PCDHA11: variants seen among roughly 807,000 people sequenced by gnomAD.
PCDHA11 encodes protocadherin alpha 11.
Under a neutral mutation model 70.3 loss-of-function variants are expected in PCDHA11, and 61 were observed. That is an observed-to-expected ratio of 0.87 (90% CI 0.71 to 1.07). The LOEUF (loss-of-function observed/expected upper bound fraction) is 1.07. PCDHA11 is among the 50% of genes least tolerant of loss of function. The pLI is 0.00. For synonymous variants in PCDHA11, 633 were observed against 555.1 expected (o/e 1.14, Z -1.97); for missense variants, 1,324 against 1,237.5 (o/e 1.07, Z -1.05).
Position 140,876,293 on chromosome 5 carries a change from A to G in PCDHA11, c.2391+4799A>G, listed in dbSNP as rs201253884. Reference sequence around the variant, plus strand: ...GCTTCCGATCCAGACGAAGGACTTAATGGAGAAATTTCCTATGGGATCAAA... The same window carrying G: ...GCTTCCGATCCAGACGAAGGACTTAGTGGAGAAATTTCCTATGGGATCAAA... On this transcript the variant is annotated intron_variant, in intron 1 of 3. Transcript: ENST00000398640. The G allele has an allele frequency of 9.9e-6, 16 of 1,613,942 alleles. No homozygotes were observed. The highest frequency in any genetic ancestry group is 2.5e-6 in the Non-Finnish European group (3 of 1,179,906).
At chr5:140,887,679 C>G (rs2061539498) in intron 1 of PCDHA11, among the ~76,000 whole-genome samples, 1 of 152,058 alleles carries the variant, frequency 6.6e-6, no homozygotes, top group East Asian at 1.9e-4. Flanking sequence ...TCATTTTCAT[C>G]AAATTCAGGA....
chr5:140,901,588 T>A (rs1245761513), intron 1 of PCDHA11, among the ~76,000 whole-genome samples: 1 of 152,176 alleles, frequency 6.6e-6, no homozygotes, highest in Non-Finnish European at 1.5e-5. Flanking sequence ...TGCCATGATG[T>A]TTTGGTTACT....
At chr5:140,933,351 T>C (rs2089082227) in intron 1 of PCDHA11, among the ~76,000 whole-genome samples, 1 of 152,024 alleles carries the variant, frequency 6.6e-6, no homozygotes, top group South Asian at 2.1e-4. Flanking sequence ...AAACACTTTA[T>C]TTCTAACCCA....
At chr5:140,873,334 C>A (rs1182965928) in intron 1 of PCDHA11, among the ~76,000 whole-genome samples, 1 of 152,156 alleles carries the variant, frequency 6.6e-6, no homozygotes, top group African/African-American at 2.4e-5. Context: ...GCATACATTA[C>A]TCATCTCCAG....
intron 1 of PCDHA11, among the ~76,000 whole-genome samples, chr5:140,935,104 A>G (rs1233919640): frequency 2.0e-5 from 3 of 152,126 alleles, no homozygotes; most frequent in Non-Finnish European, 4.4e-5. Context: ...GCCATTTTTC[A>G]AAGAGCTTTC....
rs142471747 is a variant in PCDHA11 at position 140,940,002 on chromosome 5, C to T, written c.2392-38947C>T. On this transcript the variant is annotated intron_variant, in intron 1 of 3. Transcript: ENST00000398640. ...TGAATTGTTTCTCCTTGGATTTTGT[C>T]AATTTTTTGTGTCATATGTTTTAAG... Among the ~76,000 whole-genome samples the T allele has an allele frequency of 5.4e-3, 828 of 152,138 alleles. 3 individuals carry two copies. The highest frequency in any genetic ancestry group is 0.019 in the African/African-American group (797 of 41,516).
At chr5:140,967,976 C>G in intron 1 of PCDHA11, 14 of 1,614,222 alleles carry the variant, frequency 8.7e-6, no homozygotes, top group Non-Finnish European at 1.2e-5. Context: ...GAGCCTGGGT[C>G]TGGAGGCCAC....
intron 1 of PCDHA11, among the ~76,000 whole-genome samples, chr5:140,954,774 A>G (rs1396315075): frequency 1.3e-5 from 2 of 152,120 alleles, no homozygotes; most frequent in Admixed American, 1.3e-4. Flanking sequence ...TCTTTAATTT[A>G]ATTAGATCTC....
At chr5:140,923,217 ATCGTTTGAG>A (rs2081234922) in intron 1 of PCDHA11, among the ~76,000 whole-genome samples, 1 of 135,418 alleles carries the variant, frequency 7.4e-6, no homozygotes, top group Admixed American at 7.5e-5. Flanking sequence ...AGGTGAAAGG[ATCGTTTGAG>A]CCCAGAAGTT....
intron 1 of PCDHA11, among the ~76,000 whole-genome samples, chr5:140,896,590 T>G (rs1338982892): frequency 6.6e-6 from 1 of 152,032 alleles, no homozygotes; most frequent in Non-Finnish European, 1.5e-5. Flanking sequence ...TTGGCCAGGC[T>G]GGTCTCGAAC....
At chr5:140,936,163 G>A (rs2090818025) in intron 1 of PCDHA11, among the ~76,000 whole-genome samples, 1 of 152,090 alleles carries the variant, frequency 6.6e-6, no homozygotes, top group African/African-American at 2.4e-5. Flanking sequence ...AAAGTGCTGG[G>A]ATTAGAGGCC....
chr5:140,901,148 CA>C (rs1244292469), intron 1 of PCDHA11, among the ~76,000 whole-genome samples: 17 of 152,076 alleles, frequency 1.1e-4, no homozygotes, highest in Non-Finnish European at 2.4e-4. Context: ...TATTTTCTCT[CA>C]ATCTGTGGGT....
chr5:140,975,707 A>G (rs1445809800), intron 1 of PCDHA11, among the ~76,000 whole-genome samples: 1 of 152,204 alleles, frequency 6.6e-6, no homozygotes, highest in East Asian at 1.9e-4. Context: ...ATTTTACTTT[A>G]AATCTTAGAA....
chr5:140,927,171 C>G (rs1554204119), intron 1 of PCDHA11: 5 of 1,614,164 alleles, frequency 3.1e-6, no homozygotes. Context: ...AAGCTGCCTG[C>G]GTCTTGACCT....
intron 3 of PCDHA11, among the ~76,000 whole-genome samples, chr5:140,995,324 G>C (rs1290299693): frequency 1.3e-5 from 2 of 152,190 alleles, no homozygotes; most frequent in Non-Finnish European, 2.9e-5. Context: ...GAACTAACAG[G>C]TGAGTAGTGT....
intron 1 of PCDHA11, chr5:140,968,878 T>A (rs1554231201): frequency 6.2e-7 from 1 of 1,614,244 alleles, no homozygotes; most frequent in South Asian, 1.1e-5. Flanking sequence ...ACTCTGAAAT[T>A]ACCCTTTATC....
chr5:140,973,936 G>A (rs2096608372), intron 1 of PCDHA11, among the ~76,000 whole-genome samples: 1 of 152,334 alleles, frequency 6.6e-6, no homozygotes, highest in Admixed American at 6.5e-5. Context: ...AGGTTTAGCT[G>A]AATATGATGG....
chr5:140,877,247 C>T (rs782249614), intron 1 of PCDHA11: 1 of 1,613,680 alleles, frequency 6.2e-7, no homozygotes, highest in African/African-American at 1.3e-5. Context: ...CACGTGGTGG[C>T]GAAAGTGCGC....
chr5:140,953,074 C>T (rs929530454), intron 1 of PCDHA11, among the ~76,000 whole-genome samples: 1 of 152,204 alleles, frequency 6.6e-6, no homozygotes, highest in Non-Finnish European at 1.5e-5. Flanking sequence ...CCATCTCCAA[C>T]ATTGGGGATT....
Sources: gnomAD v4.1 joint callset for allele counts (sites outside exome capture counted in the v4.1 genomes callset) on GRCh38, gnomAD v4.1.1 for gene constraint, MANE v1.5 for transcripts, NCBI Gene and HGNC (gene_info 2026-07-23, HGNC 2026-07-21) for gene names.